The following SLC5A3 variants were observed in gnomAD, a reference collection of about 807,000 sequenced individuals.
SLC5A3 encodes the protein solute carrier family 5 member 3, also known as sodium/myo-inositol cotransporter.
SLC5A3 carries 10 observed loss-of-function variants against 43.2 expected under a neutral mutation model. The observed-to-expected ratio is 0.23, with a 90% confidence interval of 0.14 to 0.39. The LOEUF is 0.39. SLC5A3 is among the 10% of genes least tolerant of loss of function. The pLI is 1.00. For missense variants in SLC5A3, 608 were observed against 893.4 expected (o/e 0.68, Z 4.07); for synonymous variants, 349 against 322.0 (o/e 1.08, Z -0.90).
intron 1 of SLC5A3, among the ~76,000 whole-genome samples, chr21:34,088,462 A>C (rs1030656009): frequency 3.3e-5 from 5 of 152,190 alleles, no homozygotes; most frequent in African/African-American, 1.2e-4. Flanking sequence ...TGATCACACA[A>C]AGATTTCAAC....
At position 34,097,616 on chromosome 21, in the gene SLC5A3, A is replaced by T. The variant is rs1176854261; in HGVS notation, c.*261A>T. 1 of 1,195,928 alleles carries T rather than the reference A, an allele frequency of 8.4e-7. No homozygotes were observed. Among genetic ancestry groups the T allele is most frequent in the Non-Finnish European group, 1.0e-6 (1 of 953,998 alleles). The allele number at this position is 1,195,928 out of a possible 1,614,324, so 74.1% of individuals were successfully genotyped here. On this transcript the variant is annotated 3_prime_UTR_variant, in exon 2 of 2. Transcript: ENST00000381151. ...ATTTTGCATACCAAAGTAAGAAGAG[A>T]CCAATTATTCTCACAGAGCACTTAG...
Position 34,090,082 on chromosome 21 carries a change from T to C in SLC5A3, c.-336-4781T>C, listed in dbSNP as rs139112992. Among the ~76,000 whole-genome samples, 909 of 152,236 alleles carry C rather than the reference T, an allele frequency of 6.0e-3. 7 individuals carry two copies. The highest frequency in any genetic ancestry group is 0.021 in the African/African-American group (867 of 41,522). On this transcript the variant is annotated intron_variant, in intron 1 of 1. Transcript: ENST00000381151. ...GCATCATGTCAGTTCTCAAAAAGTTTTGGATTTGGGAGGAGCATTTCAGAT... is the reference window on the plus strand; with the variant it reads ...GCATCATGTCAGTTCTCAAAAAGTTCTGGATTTGGGAGGAGCATTTCAGAT...
rs1276197100 is a variant in SLC5A3, at chr21:34,100,446, A to G, written c.*3091A>G. ...GGGGGTAATTATGCTTTGTCTTTAGATTAGAGAAGCATCAAGCAATAGCAA... is the reference window on the plus strand; with the variant it reads ...GGGGGTAATTATGCTTTGTCTTTAGGTTAGAGAAGCATCAAGCAATAGCAA... On this transcript the variant is annotated 3_prime_UTR_variant, in exon 2 of 2. Coordinates refer to ENST00000381151, the MANE Select transcript of SLC5A3 (RefSeq NM_006933.7). 1.0e-6 allele frequency: 1 copy of G among 999,972 alleles called. No individual in the cohort carries two copies. Among genetic ancestry groups the G allele is most frequent in the Non-Finnish European group, 1.2e-6 (1 of 829,974 alleles). 61.9% of individuals were successfully genotyped at this position (999,972 alleles called of 1,614,324 possible). A position where few individuals can be genotyped will look rare whatever the true frequency, so the allele number is the denominator to read the frequency against.
At position 34,097,085 on chromosome 21, in the gene SLC5A3, C is replaced by G. The variant is rs766187984; in HGVS notation, c.1887C>G (p.Asp629Glu). The G allele has an allele frequency of 2.5e-6, 4 of 1,613,884 alleles. No individual in the cohort carries two copies. The African/African-American group carries it at 5.3e-5, about 22-fold the overall frequency. ...LGHSEAETPV[D>E]AYSNGQAALM... Reference sequence around the variant, plus strand: ...ATTCAGAGGCAGAAACACCAGTTGACGCTTACTCCAATGGGCAAGCAGCTC... The same window carrying G: ...ATTCAGAGGCAGAAACACCAGTTGAGGCTTACTCCAATGGGCAAGCAGCTC... The change falls in exon 2 of 2, where the codon GAC becomes GAG. Residue 629 changes from aspartate (D) to glutamate (E), a missense_variant. Coordinates refer to ENST00000381151, the MANE Select transcript of SLC5A3 (RefSeq NM_006933.7).
At chr21:34,078,630 G>T (rs1359573424) in intron 1 of SLC5A3, among the ~76,000 whole-genome samples, 1 of 152,104 alleles carries the variant, frequency 6.6e-6, no homozygotes, top group Non-Finnish European at 1.5e-5. Context: ...GAGTTCAAAA[G>T]CAATGACGGG....
Position 34,102,725 on chromosome 21 carries a change from T to A in SLC5A3, c.*5370T>A. On this transcript the variant is annotated 3_prime_UTR_variant, in exon 2 of 2. Transcript: ENST00000381151. ...GCGAGCAAATCAAGACAAAACACAG[T>A]GGTCTCAGATTTTTCGTAGTGTGGG... The A allele has an allele frequency of 1.0e-6, 1 of 1,000,080 alleles. No homozygotes were observed. 62.0% of individuals were successfully genotyped at this position (1,000,080 alleles called of 1,614,324 possible).
intron 1 of SLC5A3, among the ~76,000 whole-genome samples, chr21:34,075,544 CAAAAAAAA>C (rs1989308036): frequency 6.7e-6 from 1 of 148,434 alleles, no homozygotes; most frequent in African/African-American, 2.5e-5. Flanking sequence ...GGAAGGGGGG[CAAAAAAAA>C]GAAAAAAAGC....
chr21:34,088,249 T>TA (rs1978497257), intron 1 of SLC5A3, among the ~76,000 whole-genome samples: 1 of 152,178 alleles, frequency 6.6e-6, no homozygotes, highest in African/African-American at 2.4e-5. Flanking sequence ...ACTTAAGACT[T>TA]ACTATTTTTC....
chr21:34,100,519 G>A lies in SLC5A3; in HGVS notation c.*3164G>A. 2 of 1,000,136 alleles carry A rather than the reference G, an allele frequency of 2.0e-6. No individual in the cohort carries two copies. Among genetic ancestry groups the A allele is most frequent in the Non-Finnish European group, 2.4e-6 (2 of 829,958 alleles). 62.0% of individuals were successfully genotyped at this position (1,000,136 alleles called of 1,614,324 possible). On this transcript the variant is annotated 3_prime_UTR_variant, in exon 2 of 2. Transcript: ENST00000381151. ...AATTCAATAGATCTCATCTCCTAGGGCTTCCTTTTCACTTGGCTCAAAGGA... is the reference window on the plus strand; with the variant it reads ...AATTCAATAGATCTCATCTCCTAGGACTTCCTTTTCACTTGGCTCAAAGGA...
rs761892832 is a variant in SLC5A3, at chr21:34,102,366, G to A, written c.*5011G>A. ...CCTTTAAAGGAATGTTGTGAGAATT[G>A]ATGTAATTTCTGTTTCTGTTTCCAT... On this transcript the variant is annotated 3_prime_UTR_variant, in exon 2 of 2. Transcript: ENST00000381151. 1.6e-4 allele frequency: 156 copies of A among 999,662 alleles called. No homozygotes were observed. In the Middle Eastern group the frequency reaches 4.1e-3, roughly 26 times the overall value. The allele number at this position is 999,662 out of a possible 1,614,324, so 61.9% of individuals were successfully genotyped here.
chr21:34,101,518 A>G lies in SLC5A3; in HGVS notation c.*4163A>G, dbSNP rs1455116659. The G allele has an allele frequency of 2.0e-6, 2 of 1,000,156 alleles. No homozygotes were observed. The highest frequency in any genetic ancestry group is 1.7e-5 in the African/African-American group (1 of 57,350). 62.0% of individuals were successfully genotyped at this position (1,000,156 alleles called of 1,614,324 possible). ...TTCTTTACAAATGGGATCTGTTTCTATATGTGTATATGCCCACTTACCATT... is the reference window on the plus strand; with the variant it reads ...TTCTTTACAAATGGGATCTGTTTCTGTATGTGTATATGCCCACTTACCATT... On this transcript the variant is annotated 3_prime_UTR_variant, in exon 2 of 2. Transcript: ENST00000381151.
Position 34,103,709 on chromosome 21 carries a change from A to G in SLC5A3, c.*6354A>G, listed in dbSNP as rs1979351159. 1.0e-6 allele frequency: 1 copy of G among 1,000,182 alleles called. No homozygotes were observed. Among genetic ancestry groups the G allele is most frequent in the East Asian group, 1.1e-4 (1 of 8,826 alleles). The allele number at this position is 1,000,182 out of a possible 1,614,324, so 62.0% of individuals were successfully genotyped here. A position where few individuals can be genotyped will look rare whatever the true frequency, so the allele number is the denominator to read the frequency against. On this transcript the variant is annotated 3_prime_UTR_variant, in exon 2 of 2. Coordinates refer to ENST00000381151, the MANE Select transcript of SLC5A3 (RefSeq NM_006933.7). Reference sequence around the variant, plus strand: ...AGTTGCTATGAGCACTACAGTATTGATAAGCCCAAGACAATGCGGTATCTA... The same window carrying G: ...AGTTGCTATGAGCACTACAGTATTGGTAAGCCCAAGACAATGCGGTATCTA...
rs1473139861 is a variant in SLC5A3, at chr21:34,074,544, A to G, written c.-337+799A>G. On this transcript the variant is annotated intron_variant, in intron 1 of 1. Coordinates refer to ENST00000381151, the MANE Select transcript of SLC5A3 (RefSeq NM_006933.7). ...GCCCCTTTCAGGTGACGGCGTGGCC[A>G]AGGACAGGGGCCCGCGGCCCGGAGG... Among the ~76,000 whole-genome samples the G allele has an allele frequency of 9.9e-5, 15 of 152,156 alleles. No homozygotes were observed. The East Asian group carries it at 2.9e-3, about 29-fold the overall frequency.
chr21:34,077,546 C>T (rs1271941821), intron 1 of SLC5A3, among the ~76,000 whole-genome samples: 1 of 152,072 alleles, frequency 6.6e-6, no homozygotes, highest in Non-Finnish European at 1.5e-5. Context: ...TAAATGATTC[C>T]ATTGCATGTA....
chr21:34,093,963 C>G (rs1978842867), intron 1 of SLC5A3, among the ~76,000 whole-genome samples: 1 of 152,134 alleles, frequency 6.6e-6, no homozygotes, highest in South Asian at 2.1e-4. Flanking sequence ...TTCTCCTCCT[C>G]CCTCTTTTCT....
intron 1 of SLC5A3, among the ~76,000 whole-genome samples, chr21:34,079,257 G>A (rs913181746): frequency 4.6e-5 from 7 of 152,156 alleles, no homozygotes; most frequent in Non-Finnish European, 8.8e-5. Flanking sequence ...GAGTCCATAA[G>A]TAAAGTTACA....
At chr21:34,085,849 GCCTCGGC>G (rs1978344365) in intron 1 of SLC5A3, among the ~76,000 whole-genome samples, 1 of 152,074 alleles carries the variant, frequency 6.6e-6, no homozygotes, top group African/African-American at 2.4e-5. Context: ...TGATTCACCC[GCCTCGGC>G]CTCCCAAAGT....
At chr21:34,073,855 C>T in intron 1 of SLC5A3, 110 bp downstream of exon 1, 1 of 596,120 alleles carries the variant, frequency 1.7e-6, no homozygotes, top group Non-Finnish European at 2.3e-6. Context: ...TCCTGCACTC[C>T]TCGGAGGAGG....
At position 34,073,623 on chromosome 21, in the gene SLC5A3, C is replaced by T. The variant is rs1224983583; in HGVS notation, c.-459C>T. 5 of 1,304,276 alleles carry T rather than the reference C, an allele frequency of 3.8e-6. No homozygotes were observed. The highest frequency in any genetic ancestry group is 5.3e-6 in the Non-Finnish European group (5 of 944,500). The allele number at this position is 1,304,276 out of a possible 1,614,324, so 80.8% of individuals were successfully genotyped here. ...GTCCGGCGCAGCAGTTTCTAGGTCC[C>T]CACTGTCCCCGCCGTCCCGCCCCTT... is the stretch of plus-strand genomic sequence containing the variant. On this transcript the variant is annotated 5_prime_UTR_variant, in exon 1 of 2. Coordinates refer to ENST00000381151, the MANE Select transcript of SLC5A3 (RefSeq NM_006933.7).
Sources: allele counts gnomAD v4.1 joint callset (sites outside exome capture counted in the v4.1 genomes callset), GRCh38; gene constraint gnomAD v4.1.1; transcripts MANE v1.5; gene names NCBI Gene and HGNC (gene_info 2026-07-23, HGNC 2026-07-21).